The following SNTG1 variants were observed in gnomAD, a reference collection of about 807,000 sequenced individuals.
SNTG1 encodes the protein syntrophin gamma 1, also known as gamma-1-syntrophin.
In SNTG1, 39 loss-of-function variants were observed where a neutral mutation model predicts 74.7. The observed-to-expected ratio is 0.52, with a 90% CI of 0.40 to 0.68. The LOEUF is 0.68. Ranked by LOEUF, SNTG1 falls within the 30% of genes least tolerant of loss-of-function variation. The pLI is 0.00. For synonymous variants in SNTG1, 254 were observed against 217.1 expected, an observed-to-expected ratio of 1.17 and a Z score of -1.49; for missense variants, 685 against 609.5, an observed-to-expected ratio of 1.12 and a Z score of -1.30.
chr8:50,254,863 A>AG (rs1391965732), intron 2 of SNTG1, among the ~76,000 whole-genome samples: 2 of 125,796 alleles, frequency 1.6e-5, no homozygotes, highest in Non-Finnish European at 3.6e-5. Context: ...GAAAAAAAAA[A>AG]AAAAGAAAGA....
At chr8:50,523,131 ACCTCTCAG>A (rs796459652) in intron 9 of SNTG1, among the ~76,000 whole-genome samples, 14 of 151,886 alleles carry the variant, frequency 9.2e-5, no homozygotes, top group African/African-American at 3.4e-4. Flanking sequence ...TACCTTCCTC[ACCTCTCAG>A]CCTTTATAGA....
chr8:50,441,136 G>A (rs535092033), intron 5 of SNTG1, among the ~76,000 whole-genome samples: 2 of 152,182 alleles, frequency 1.3e-5, no homozygotes, highest in East Asian at 3.9e-4. Context: ...GTAGGTCTGA[G>A]TCCATTGTTT....
chr8:50,458,197 C>T (rs1411334079), intron 8 of SNTG1: 1 of 80,744 alleles, frequency 1.2e-5, no homozygotes, highest in African/African-American at 3.3e-5. Context: ...GAAGCTAAAA[C>T]AGGAAAAAAA....
intron 2 of SNTG1, among the ~76,000 whole-genome samples, chr8:50,387,503 T>G (rs953124247): frequency 3.3e-5 from 5 of 152,154 alleles, no homozygotes; most frequent in Admixed American, 6.5e-5. Flanking sequence ...TCATTTTTTT[T>G]TGGTCCATGT....
At chr8:50,332,301 T>C (rs934730848) in intron 2 of SNTG1, among the ~76,000 whole-genome samples, 3 of 152,132 alleles carry the variant, frequency 2.0e-5, no homozygotes, top group Non-Finnish European at 2.9e-5. Flanking sequence ...GAAGAAAAAA[T>C]TGAGTTTTGG....
intron 15 of SNTG1, among the ~76,000 whole-genome samples, chr8:50,679,846 A>G (rs1216681491): frequency 1.3e-5 from 2 of 152,134 alleles, no homozygotes; most frequent in Non-Finnish European, 2.9e-5. Context: ...TTCTCTGGGC[A>G]TGGTATGAAC....
intron 18 of SNTG1, among the ~76,000 whole-genome samples, chr8:50,791,827 A>G (rs561636445): frequency 6.6e-6 from 1 of 151,970 alleles, no homozygotes; most frequent in East Asian, 1.9e-4. Flanking sequence ...TGAAATTAAG[A>G]CATGTTTATG....
At chr8:50,600,604 A>G (rs1234882899) in intron 13 of SNTG1, among the ~76,000 whole-genome samples, 2 of 152,148 alleles carry the variant, frequency 1.3e-5, no homozygotes, top group Non-Finnish European at 2.9e-5. Context: ...GCAAATATAT[A>G]AATTTCTATT....
intron 1 of SNTG1, among the ~76,000 whole-genome samples, chr8:49,964,951 A>C (rs1326934338): frequency 6.6e-6 from 1 of 152,218 alleles, no homozygotes; most frequent in African/African-American, 2.4e-5. Flanking sequence ...ATTTAATATA[A>C]ATTAGAGTTT....
At chr8:50,481,025 T>G (rs2093735424) in intron 8 of SNTG1, among the ~76,000 whole-genome samples, 1 of 152,172 alleles carries the variant, frequency 6.6e-6, no homozygotes, top group Non-Finnish European at 1.5e-5. Context: ...ATAAATAACT[T>G]TATCATTTAA....
chr8:50,508,107 C>G (rs1026997505), intron 9 of SNTG1, among the ~76,000 whole-genome samples: 1 of 152,132 alleles, frequency 6.6e-6, no homozygotes, highest in Non-Finnish European at 1.5e-5. Flanking sequence ...TGTGATGTTC[C>G]CCTTCCTGTG....
At chr8:50,500,266 A>G (rs762052862) in intron 8 of SNTG1, among the ~76,000 whole-genome samples, 2 of 149,426 alleles carry the variant, frequency 1.3e-5, no homozygotes, top group East Asian at 3.9e-4. Flanking sequence ...TATTGTTCAG[A>G]TAGGGTGAAT....
chr8:50,526,433 C>T (rs1042409418), intron 9 of SNTG1, among the ~76,000 whole-genome samples: 1 of 152,034 alleles, frequency 6.6e-6, no homozygotes, highest in Non-Finnish European at 1.5e-5. Context: ...AATGTGGCTG[C>T]TCTTGGCTTT....
At chr8:50,481,148 C>T (rs551123673) in intron 8 of SNTG1, among the ~76,000 whole-genome samples, 2 of 152,228 alleles carry the variant, frequency 1.3e-5, no homozygotes, top group South Asian at 4.1e-4. Context: ...TTTGGGAAGC[C>T]GAGGCGGGTG....
chr8:50,441,751 C>G (rs2093359540), intron 5 of SNTG1, among the ~76,000 whole-genome samples: 2 of 151,962 alleles, frequency 1.3e-5, no homozygotes, highest in South Asian at 4.1e-4. Flanking sequence ...TCATACTTAC[C>G]ATTTCTTCAA....
intron 1 of SNTG1, among the ~76,000 whole-genome samples, chr8:49,987,351 C>G (rs1040798616): frequency 3.9e-5 from 6 of 151,982 alleles, no homozygotes; most frequent in African/African-American, 1.2e-4. Flanking sequence ...AATTATAAAA[C>G]AAAAGTAAAT....
At chr8:50,053,977 C>A (rs1288945003) in intron 1 of SNTG1, among the ~76,000 whole-genome samples, 2 of 152,064 alleles carry the variant, frequency 1.3e-5, no homozygotes, top group Admixed American at 1.3e-4. Context: ...CTGTGTCAGG[C>A]ATCTCAAGCA....
chr8:50,394,380 A>T (rs778255516), intron 3 of SNTG1, 115 bp downstream of exon 3: 1 of 1,007,340 alleles, frequency 9.9e-7, no homozygotes. Flanking sequence ...AGAGAGGAGG[A>T]TGGGCTCTTT....
chr8:50,546,233 T>TA (rs11454617), intron 11 of SNTG1, among the ~76,000 whole-genome samples: 32,925 of 151,234 alleles, frequency 0.22, 4,668 homozygotes, highest in African/African-American at 0.4. Flanking sequence ...AGCAAATTGA[T>TA]AAAAAAAAGT....
Sources: allele counts gnomAD v4.1 joint callset (sites outside exome capture counted in the v4.1 genomes callset), GRCh38; gene constraint gnomAD v4.1.1; transcripts MANE v1.5; gene names NCBI Gene and HGNC (gene_info 2026-07-23, HGNC 2026-07-21).